Variants in PLA2G7 observed in about 807,000 individuals in gnomAD.
PLA2G7 encodes the protein phospholipase A2 group VII, also known as platelet-activating factor acetylhydrolase.
In PLA2G7, 63 loss-of-function variants were observed where a neutral mutation model predicts 49.6. The observed-to-expected ratio is 1.27, with a 90% CI of 1.04 to 1.57. The LOEUF (loss-of-function observed/expected upper bound fraction) is 1.57, where lower values mean the gene tolerates loss of function less well. Ranked by LOEUF, PLA2G7 falls within the 40% of genes most tolerant of loss-of-function variation. PLA2G7 has a pLI of 0.00. For missense variants in PLA2G7, 596 were observed against 521.2 expected, an observed-to-expected ratio of 1.14 and a Z score of -1.40; for synonymous variants, 193 against 169.9, an observed-to-expected ratio of 1.14 and a Z score of -1.06.
rs1764783690 is a variant in PLA2G7 at position 46,705,405 on chromosome 6, A to G, written c.1041-104T>C. 4 of 896,678 alleles carry G rather than the reference A, an allele frequency of 4.5e-6. No homozygotes were observed. The Admixed American group carries it at 6.2e-5, about 14-fold the overall frequency. The allele number at this position is 896,678 out of a possible 1,614,324, so 55.5% of individuals were successfully genotyped here. On this transcript the variant is annotated intron_variant, in intron 10 of 11. Transcript: ENST00000274793. ...CTGGTCTTGTTGGTCTGTTTACTGAAAACCAAAGAAGAAATAAAACTTGTA... is the reference window on the plus strand; with the variant it reads ...CTGGTCTTGTTGGTCTGTTTACTGAGAACCAAAGAAGAAATAAAACTTGTA...
intron 2 of PLA2G7, among the ~76,000 whole-genome samples, chr6:46,720,282 C>G (rs889297460): frequency 6.6e-6 from 1 of 152,234 alleles, no homozygotes; most frequent in Non-Finnish European, 1.5e-5. Context: ...CAACACAAGC[C>G]TCCGCTTGTG....
chr6:46,707,438 G>A (rs1413516126), intron 10 of PLA2G7, among the ~76,000 whole-genome samples: 1 of 152,198 alleles, frequency 6.6e-6, no homozygotes, highest in Non-Finnish European at 1.5e-5. Context: ...GCAGGGACTG[G>A]TGGGAGGTGA....
intron 4 of PLA2G7, among the ~76,000 whole-genome samples, chr6:46,715,423 T>C (rs1284750131): frequency 6.6e-6 from 1 of 152,236 alleles, no homozygotes; most frequent in Non-Finnish European, 1.5e-5. Context: ...CAGAAAATGA[T>C]ATCTCTTTCA....
chr6:46,726,365 G>T lies in PLA2G7; in HGVS notation c.-34-3440C>A, dbSNP rs1480878220. On this transcript the variant is annotated intron_variant, in intron 1 of 11. Transcript: ENST00000274793. ...AATCACAATGACCACAGAGGCTTCTGAATATGAACACACAGGAATAATTCA... is the reference window on the plus strand; with the variant it reads ...AATCACAATGACCACAGAGGCTTCTTAATATGAACACACAGGAATAATTCA... Among the ~76,000 whole-genome samples the T allele has an allele frequency of 2.6e-5, 4 of 152,304 alleles. No individual in the cohort carries two copies. The South Asian group carries it at 8.3e-4, about 32-fold the overall frequency.
At chr6:46,723,080 A>T (rs1279542796) in intron 1 of PLA2G7, among the ~76,000 whole-genome samples, 155 bp from the exon 2 acceptor site, 2 of 152,204 alleles carry the variant, frequency 1.3e-5, no homozygotes, top group Non-Finnish European at 2.9e-5. Context: ...ACAATGGTAA[A>T]ATCCTTGGTA....
chr6:46,709,243 G>A (rs1764928639), intron 9 of PLA2G7, 84 bp downstream of exon 9: 1 of 840,920 alleles, frequency 1.2e-6, no homozygotes, highest in South Asian at 1.4e-5. Flanking sequence ...TCTTCACTAA[G>A]AATTTGAATA....
chr6:46,716,754 T>TA (rs1765215768), intron 3 of PLA2G7, among the ~76,000 whole-genome samples: 2 of 152,142 alleles, frequency 1.3e-5, no homozygotes, highest in Admixed American at 6.5e-5. Context: ...TGGCTTCAGG[T>TA]ATTAAGGAAG....
intron 5 of PLA2G7, among the ~76,000 whole-genome samples, chr6:46,713,903 A>G (rs1157537619): frequency 1.3e-5 from 2 of 152,210 alleles, no homozygotes; most frequent in Admixed American, 6.5e-5. Flanking sequence ...CCTATGAGAT[A>G]CAGGACTCTT....
intron 1 of PLA2G7, among the ~76,000 whole-genome samples, chr6:46,724,839 G>A (rs1484881699): frequency 6.6e-6 from 1 of 152,210 alleles, no homozygotes; most frequent in Non-Finnish European, 1.5e-5. Flanking sequence ...TCCAGGTGAA[G>A]CTGTTATTGC....
At chr6:46,719,276 A>G (rs150958722) in intron 2 of PLA2G7, among the ~76,000 whole-genome samples, 248 of 152,306 alleles carry the variant, frequency 1.6e-3, no homozygotes, top group Non-Finnish European at 2.8e-3. Context: ...GAAGAAACCA[A>G]TTTACAGCCT....
Position 46,704,555 on chromosome 6 carries a change from T to C in PLA2G7, c.*5A>G. 1 of 1,565,064 alleles carries C rather than the reference T, an allele frequency of 6.4e-7. No individual in the cohort carries two copies. ...AACAAGACTTTTAAAAAACCTATTT[T>C]AATCCTAATTGTATTTCTCTATTCC... On this transcript the variant is annotated 3_prime_UTR_variant, in exon 12 of 12. Transcript: ENST00000274793.
At chr6:46,710,482 A>G (rs758510866) in intron 8 of PLA2G7, 63 bp downstream of exon 8, 9 of 1,113,082 alleles carry the variant, frequency 8.1e-6, no homozygotes, top group Non-Finnish European at 1.2e-5. Flanking sequence ...ATAGCAGAAA[A>G]TTAAATGACA....
chr6:46,722,338 C>G (rs1392812525), intron 2 of PLA2G7, among the ~76,000 whole-genome samples: 2 of 152,184 alleles, frequency 1.3e-5, no homozygotes, highest in Non-Finnish European at 2.9e-5. Context: ...TGACTTTCCA[C>G]TATTAACCAG....
intron 8 of PLA2G7, among the ~76,000 whole-genome samples, chr6:46,709,717 C>T (rs1764947978): frequency 6.6e-6 from 1 of 152,214 alleles, no homozygotes; most frequent in Admixed American, 6.5e-5. Flanking sequence ...TTCTGCCTCT[C>T]CTCACCCCAT....
chr6:46,726,614 C>T (rs1765582023), intron 1 of PLA2G7, among the ~76,000 whole-genome samples: 1 of 152,060 alleles, frequency 6.6e-6, no homozygotes, highest in Non-Finnish European at 1.5e-5. Flanking sequence ...AAATCTATTA[C>T]CATAACCCCA....
rs1240791354 is a variant in PLA2G7 at position 46,712,201 on chromosome 6, A to G, written c.539+68T>C. On this transcript the variant is annotated intron_variant, in intron 6 of 11. Transcript: ENST00000274793. Reference sequence around the variant, plus strand: ...TTAAATAAACTTTTATGAAAATTAGAAACATAGTTATGAGCATTGACATTC... The same window carrying G: ...TTAAATAAACTTTTATGAAAATTAGGAACATAGTTATGAGCATTGACATTC... 8.1e-6 allele frequency: 8 copies of G among 992,582 alleles called. No homozygotes were observed. The South Asian group carries it at 1.0e-4, about 13-fold the overall frequency. 61.5% of individuals were successfully genotyped at this position (992,582 alleles called of 1,614,324 possible). A position where few individuals can be genotyped will look rare whatever the true frequency, so the allele number is the denominator to read the frequency against.
In PLA2G7 at chr6:46,734,100, A is replaced by G. The variant is rs542481599; in HGVS notation, c.-35+1080T>C. Reference sequence around the variant, plus strand: ...TTTTGGTGACAGAAATTTCTCTTACAAGCTCCAGGAGATGATGAGGAAGAC... The same window carrying G: ...TTTTGGTGACAGAAATTTCTCTTACGAGCTCCAGGAGATGATGAGGAAGAC... On this transcript the variant is annotated intron_variant, in intron 1 of 11. Coordinates refer to ENST00000274793, the MANE Select transcript of PLA2G7 (RefSeq NM_005084.4). 4.6e-5 allele frequency among the ~76,000 whole-genome samples: 7 copies of G among 152,078 alleles called. No homozygotes were observed. The South Asian group carries it at 6.2e-4, about 14-fold the overall frequency.
At chr6:46,704,803 G>A in intron 11 of PLA2G7, 107 bp from the exon 12 acceptor site, 1 of 730,920 alleles carries the variant, frequency 1.4e-6, no homozygotes, top group Non-Finnish European at 2.4e-6. Context: ...AGTTCCGTTA[G>A]GATGGTAGAG....
intron 4 of PLA2G7, 107 bp from the exon 5 acceptor site, chr6:46,714,660 C>CT (rs1765140913): frequency 1.3e-6 from 1 of 748,928 alleles, no homozygotes; most frequent in East Asian, 2.6e-5. Flanking sequence ...TTTATATCTA[C>CT]TTTTTTATGG....
Sources: gnomAD v4.1 joint callset for allele counts (sites outside exome capture counted in the v4.1 genomes callset) on GRCh38, gnomAD v4.1.1 for gene constraint, MANE v1.5 for transcripts, NCBI Gene and HGNC (gene_info 2026-07-23, HGNC 2026-07-21) for gene names.